Variants in EREG observed in about 807,000 individuals in gnomAD.
EREG encodes the protein proepiregulin.
A neutral mutation model predicts 22.4 loss-of-function variants in EREG; 23 were observed. The observed-to-expected ratio is 1.03, with a 90% confidence interval of 0.74 to 1.46. The LOEUF (loss-of-function observed/expected upper bound fraction) is 1.46, where lower values mean the gene tolerates loss of function less well. Among genes scored for constraint, EREG ranks in the 40% most tolerant of loss-of-function variants. The pLI is 0.00. For missense variants in EREG, 226 were observed against 205.9 expected, an observed-to-expected ratio of 1.10 and a Z score of -0.60; for synonymous variants, 100 against 75.4, an observed-to-expected ratio of 1.33 and a Z score of -1.69.
chr4:74,380,759 T>G (rs1209408028), intron 2 of EREG, among the ~76,000 whole-genome samples: 1 of 152,190 alleles, frequency 6.6e-6, no homozygotes, highest in Admixed American at 6.5e-5. Context: ...TTACAGGTTG[T>G]CTTTTGAGAA....
rs1237415633 is a variant in EREG at position 74,385,895 on chromosome 4, T to C, written c.*1087T>C. On this transcript the variant is annotated 3_prime_UTR_variant, in exon 5 of 5. Coordinates refer to ENST00000244869, the MANE Select transcript of EREG (RefSeq NM_001432.3). ...GTAAAGTTATGTATTTAAAGTTGTA[T>C]CTTGACACAGGAAATGGGAAAAAAC... The C allele has an allele frequency of 2.0e-5, 8 of 396,728 alleles. No homozygotes were observed. The highest frequency in any genetic ancestry group is 3.6e-5 in the Non-Finnish European group (8 of 224,924). The allele number at this position is 396,728 out of a possible 1,614,324, so 24.6% of individuals were successfully genotyped here.
rs781184714 is a variant in EREG at position 74,384,769 on chromosome 4, G to A, written c.471G>A (p.Glu157=). 18 of 1,613,352 alleles carry A rather than the reference G, an allele frequency of 1.1e-5. No individual in the cohort carries two copies. Among genetic ancestry groups the A allele is most frequent in the Admixed American group, 1.7e-5 (1 of 59,984 alleles). ...RKSKEPKKEY[E]RVTSGDPELP... is the part of the protein sequence containing the mutation. ...GTAAAGAACCAAAGAAGGAATATGA[G>A]AGAGTTACCTCAGGGGATCCAGAGT... Residue 157 remains glutamate, a synonymous_variant, in exon 5 of 5, where the codon GAG becomes GAA. Transcript: ENST00000244869.
Position 74,379,538 on chromosome 4 carries a change from A to G in EREG, c.154+4A>G, listed in dbSNP as rs1191320360. ...AGTGATAACTGCACAGCTTTAGGTA[A>G]GCCCAAGTTTGTCAATGTGGCATCA... On this transcript the variant is annotated splice_donor_region_variant and intron_variant, in intron 2 of 4. Coordinates refer to ENST00000244869, the MANE Select transcript of EREG (RefSeq NM_001432.3). The G allele has an allele frequency of 1.3e-6, 2 of 1,579,888 alleles. No individual in the cohort carries two copies. Among genetic ancestry groups the G allele is most frequent in the African/African-American group, 2.7e-5 (2 of 74,216 alleles).
chr4:74,380,501 T>C (rs1450074930), intron 2 of EREG, among the ~76,000 whole-genome samples: 2 of 152,174 alleles, frequency 1.3e-5, no homozygotes, highest in Admixed American at 1.3e-4. Flanking sequence ...GGGAGACTGG[T>C]TAATTTCATT....
At chr4:74,372,826 T>G (rs1412165340) in intron 1 of EREG, among the ~76,000 whole-genome samples, 1 of 39,852 alleles carries the variant, frequency 2.5e-5, no homozygotes, top group Admixed American at 2.6e-4. Flanking sequence ...TTTTTTTTTT[T>G]GAAACAGAGT....
chr4:74,384,160 A>G (rs1752529461), intron 4 of EREG, among the ~76,000 whole-genome samples: 1 of 152,344 alleles, frequency 6.6e-6, no homozygotes, highest in Non-Finnish European at 1.5e-5. Flanking sequence ...GGCACATTAT[A>G]TACAACCCAT....
intron 1 of EREG, among the ~76,000 whole-genome samples, chr4:74,376,663 T>TA (rs2110386674): frequency 6.6e-6 from 1 of 152,312 alleles, no homozygotes; most frequent in East Asian, 1.9e-4. Flanking sequence ...GCAGCATTTA[T>TA]ATTGTAGAAA....
intron 1 of EREG, among the ~76,000 whole-genome samples, chr4:74,368,448 G>A (rs925265241): frequency 1.3e-5 from 2 of 152,008 alleles, no homozygotes; most frequent in African/African-American, 4.8e-5. Flanking sequence ...TTTATTCCTT[G>A]TATTCTTTGT....
intron 1 of EREG, among the ~76,000 whole-genome samples, chr4:74,379,054 T>C (rs1261023283): frequency 1.3e-5 from 2 of 152,234 alleles, no homozygotes; most frequent in African/African-American, 2.4e-5. Flanking sequence ...AACCGATTTT[T>C]TATTTAGAGC....
Position 74,387,213 on chromosome 4 carries a change from T to C in EREG, c.*2405T>C, listed in dbSNP as rs1231936976. On this transcript the variant is annotated 3_prime_UTR_variant, in exon 5 of 5. Transcript: ENST00000244869. The stretch of plus-strand genomic sequence containing the variant: ...TGAACATCTGTGCCCGATTTTAGTA[T>C]GTGCAGGGGGGCGATCTGGGAATCA... 6.6e-6 allele frequency: 1 copy of C among 152,136 alleles called. No homozygotes were observed. Among genetic ancestry groups the C allele is most frequent in the Non-Finnish European group, 1.5e-5 (1 of 68,030 alleles). 9.4% of individuals were successfully genotyped at this position (152,136 alleles called of 1,614,324 possible).
intron 1 of EREG, 115 bp from the exon 2 acceptor site, chr4:74,379,333 T>C (rs530602189): frequency 1.7e-5 from 11 of 640,054 alleles, no homozygotes; most frequent in Non-Finnish European, 2.8e-5. Flanking sequence ...ATGGTTTTGA[T>C]GGACCAAATC....
chr4:74,383,343 A>G (rs1011406918), intron 4 of EREG, among the ~76,000 whole-genome samples: 7 of 152,188 alleles, frequency 4.6e-5, no homozygotes, highest in African/African-American at 1.7e-4. Context: ...TATAAAAAAC[A>G]ACCTTGTAAA....
chr4:74,383,500 C>T (rs1368915721), intron 4 of EREG, among the ~76,000 whole-genome samples: 1 of 152,044 alleles, frequency 6.6e-6, no homozygotes, highest in Non-Finnish European at 1.5e-5. Flanking sequence ...GCATTATTGT[C>T]ACAAGCTGAA....
chr4:74,384,105 A>G (rs1291827636), intron 4 of EREG, among the ~76,000 whole-genome samples: 1 of 152,182 alleles, frequency 6.6e-6, no homozygotes, highest in African/African-American at 2.4e-5. Context: ...AAGATTCTAA[A>G]TTATGATAAA....
chr4:74,378,275 T>A (rs1344096064), intron 1 of EREG, among the ~76,000 whole-genome samples: 2 of 152,118 alleles, frequency 1.3e-5, no homozygotes, highest in East Asian at 3.9e-4. Flanking sequence ...GAGTAGGAAG[T>A]CATTCTAGTT....
intron 1 of EREG, among the ~76,000 whole-genome samples, chr4:74,365,929 G>A (rs1460600456): frequency 1.3e-5 from 2 of 152,144 alleles, no homozygotes; most frequent in Non-Finnish European, 2.9e-5. Context: ...TAAAACACTG[G>A]TCGAGGGTAT....
intron 4 of EREG, among the ~76,000 whole-genome samples, chr4:74,383,243 T>C (rs1253741101): frequency 6.6e-6 from 1 of 152,194 alleles, no homozygotes; most frequent in African/African-American, 2.4e-5. Context: ...GTATGTAATA[T>C]GATATTTCAT....
intron 1 of EREG, 65 bp downstream of exon 1, chr4:74,365,440 C>A: frequency 7.0e-7 from 1 of 1,427,044 alleles, no homozygotes; most frequent in Non-Finnish European, 9.7e-7. Context: ...GGCTCCTGTG[C>A]ATTTGTCATT....
At chr4:74,379,858 GGCAAAACA>G (rs368229684) in intron 2 of EREG, among the ~76,000 whole-genome samples, 97 of 152,174 alleles carry the variant, frequency 6.4e-4, no homozygotes, top group African/African-American at 2.2e-3. Context: ...CTGGATTCCA[GGCAAAACA>G]GCAAAACAGG....
Sources: gnomAD v4.1 joint callset for allele counts (sites outside exome capture counted in the v4.1 genomes callset) on GRCh38, gnomAD v4.1.1 for gene constraint, MANE v1.5 for transcripts, NCBI Gene and HGNC (gene_info 2026-07-23, HGNC 2026-07-21) for gene names.